The following KATNAL2 variants were observed in gnomAD, a reference collection of about 807,000 sequenced individuals.
KATNAL2 encodes katanin p60 ATPase-containing subunit A-like 2.
Under a neutral mutation model 76.3 loss-of-function variants are expected in KATNAL2, and 52 were observed. The ratio of observed to expected loss-of-function variants is 0.68; its 90% CI spans 0.55 to 0.86. KATNAL2 has a LOEUF of 0.86. KATNAL2 is among the 40% of genes least tolerant of loss of function. KATNAL2 has a pLI of 0.00. For synonymous variants in KATNAL2, 243 were observed against 244.2 expected (o/e 1.00, Z 0.05); for missense variants, 660 against 668.9 (o/e 0.99, Z 0.15).
chr18:47,085,378 C>T (rs1359366326), intron 15 of KATNAL2, among the ~76,000 whole-genome samples: 3 of 152,108 alleles, frequency 2.0e-5, no homozygotes, highest in Admixed American at 6.5e-5. Context: ...GGAGACATTT[C>T]GTTTATAGTT....
At chr18:47,032,042 G>A (rs1473179418) in intron 3 of KATNAL2, among the ~76,000 whole-genome samples, 1 of 152,182 alleles carries the variant, frequency 6.6e-6, no homozygotes, top group African/African-American at 2.4e-5. Flanking sequence ...TCCTTTCATG[G>A]TAATTAGAAA....
intron 6 of KATNAL2, among the ~76,000 whole-genome samples, chr18:47,056,358 A>C (rs1049391874): frequency 2.6e-5 from 4 of 152,216 alleles, no homozygotes; most frequent in Non-Finnish European, 4.4e-5. Context: ...GTGTCCAAAA[A>C]ATAGGAGGTC....
At chr18:47,084,646 C>T (rs1281350536) in intron 15 of KATNAL2, among the ~76,000 whole-genome samples, 2 of 151,660 alleles carry the variant, frequency 1.3e-5, no homozygotes, top group African/African-American at 2.4e-5. Context: ...GTCAGGTGTT[C>T]AAGACCTGCC....
intron 3 of KATNAL2, among the ~76,000 whole-genome samples, chr18:47,045,495 G>T (rs551878941): frequency 6.6e-6 from 1 of 151,976 alleles, no homozygotes; most frequent in South Asian, 2.1e-4. Flanking sequence ...GCTAATTTTT[G>T]TAGTTTTTGT....
intron 6 of KATNAL2, chr18:47,054,739 T>C (rs1442069649): frequency 6.0e-6 from 2 of 332,280 alleles, no homozygotes; most frequent in Non-Finnish European, 1.1e-5. Context: ...CTCCTGGCTC[T>C]GCTATTTACA....
At chr18:47,052,232 A>C (rs2061358810) in intron 4 of KATNAL2, among the ~76,000 whole-genome samples, 1 of 152,250 alleles carries the variant, frequency 6.6e-6, no homozygotes, top group Admixed American at 6.5e-5. Context: ...CAAGTTAAAA[A>C]TGACAGTAAG....
chr18:46,948,265 C>A (rs1296239029), intron 3 of KATNAL2, among the ~76,000 whole-genome samples: 1 of 151,928 alleles, frequency 6.6e-6, no homozygotes, highest in African/African-American at 2.4e-5. Context: ...TATGCGCCAC[C>A]ATGCCCAGCT....
rs867301831 is a variant in KATNAL2, at chr18:47,036,773, T to G, written c.52-9684T>G. On this transcript the variant is annotated intron_variant, in intron 3 of 17. Transcript: ENST00000683218. ...TTTACCCTCTCAAATTAGGGAACAC[T>G]TGGTCCTATGTTTCTGAGCATAGTT... 3.9e-5 allele frequency among the ~76,000 whole-genome samples: 6 copies of G among 152,352 alleles called. No individual in the cohort carries two copies. The South Asian group carries it at 1.2e-3, about 32-fold the overall frequency.
intron 3 of KATNAL2, among the ~76,000 whole-genome samples, chr18:46,956,255 C>T (rs960077624): frequency 2.0e-5 from 3 of 152,186 alleles, no homozygotes; most frequent in South Asian, 2.1e-4. Flanking sequence ...TTCATTAACT[C>T]ATACGATAAA....
chr18:46,920,058 C>G (rs1439871891), intron 1 of KATNAL2: 2 of 1,289,412 alleles, frequency 1.6e-6, no homozygotes, highest in East Asian at 5.6e-5. Context: ...CTGAAACTTA[C>G]GTGCAGTGTT....
chr18:47,076,816 C>T (rs201168653), intron 14 of KATNAL2, among the ~76,000 whole-genome samples: 1 of 141,672 alleles, frequency 7.1e-6, no homozygotes, highest in Non-Finnish European at 1.5e-5. Context: ...TATATATATA[C>T]ACATATATAT....
At chr18:47,030,903 C>T (rs1949573583) in intron 3 of KATNAL2, among the ~76,000 whole-genome samples, 1 of 47,998 alleles carries the variant, frequency 2.1e-5, no homozygotes, top group Admixed American at 3.2e-4. Context: ...CTGGTGGGGA[C>T]CTTCTTCGCT....
At chr18:46,944,647 A>G (rs868422231) in intron 1 of KATNAL2, among the ~76,000 whole-genome samples, 1 of 152,098 alleles carries the variant, frequency 6.6e-6, no homozygotes, top group Non-Finnish European at 1.5e-5. Flanking sequence ...AGGCAGGAGA[A>G]TCGCTTTAAC....
intron 3 of KATNAL2, among the ~76,000 whole-genome samples, chr18:46,953,120 T>C (rs1375251105): frequency 6.6e-6 from 1 of 151,998 alleles, no homozygotes; most frequent in Non-Finnish European, 1.5e-5. Flanking sequence ...GGTCTCGATC[T>C]CCTGACCTCG....
intron 3 of KATNAL2, among the ~76,000 whole-genome samples, chr18:46,961,669 A>T (rs981834198): frequency 1.6e-4 from 25 of 152,236 alleles, no homozygotes; most frequent in Admixed American, 1.3e-4. Flanking sequence ...ATCCCTGACC[A>T]TATTTTTGAC....
At chr18:47,046,653 G>T (rs1370806684) in intron 4 of KATNAL2, 126 bp downstream of exon 4, 12 of 726,500 alleles carry the variant, frequency 1.7e-5, no homozygotes, top group Admixed American at 5.1e-5. Flanking sequence ...CAGAAAAATC[G>T]AGCAGAAAGT....
At chr18:46,933,869 T>C (rs2059010247) in intron 1 of KATNAL2, among the ~76,000 whole-genome samples, 1 of 145,512 alleles carries the variant, frequency 6.9e-6, no homozygotes, top group East Asian at 2.1e-4. Flanking sequence ...CATTGTTCAA[T>C]TCCCACCTAT....
At chr18:47,084,328 A>G in intron 15 of KATNAL2, 1 of 702,896 alleles carries the variant, frequency 1.4e-6, no homozygotes, top group Non-Finnish European at 2.6e-6. Flanking sequence ...TGTTCTTTCC[A>G]TAGTAACCAC....
At chr18:47,066,847 T>TTTATATATATATATA (rs1319765780) in intron 10 of KATNAL2, among the ~76,000 whole-genome samples, 174 bp from the exon 11 acceptor site, 3 of 29,584 alleles carry the variant, frequency 1.0e-4, no homozygotes, top group Non-Finnish European at 1.3e-4. Context: ...ATATATGTGT[T>TTTATATATATATATA]TATATATATA....
Sources: gnomAD v4.1 joint callset for allele counts (sites outside exome capture counted in the v4.1 genomes callset) on GRCh38, gnomAD v4.1.1 for gene constraint, MANE v1.5 for transcripts, NCBI Gene and HGNC (gene_info 2026-07-23, HGNC 2026-07-21) for gene names.